Variants in ADCY2 observed in about 807,000 individuals in gnomAD.
ADCY2 encodes the protein adenylate cyclase type 2.
ADCY2 carries 31 observed loss-of-function variants against 125.2 expected under a neutral mutation model. That is an observed-to-expected ratio of 0.25 (90% confidence interval 0.19 to 0.33). The LOEUF (loss-of-function observed/expected upper bound fraction) is 0.33. Ranked by LOEUF, ADCY2 falls within the 10% of genes least tolerant of loss-of-function variation. The pLI, the probability that ADCY2 is intolerant of heterozygous loss-of-function variation, is 1.00. For missense variants in ADCY2, 904 were observed against 1,418.2 expected, an observed-to-expected ratio of 0.64 and a Z score of 5.82; for synonymous variants, 512 against 548.4, an observed-to-expected ratio of 0.93 and a Z score of 0.93.
At chr5:7,755,813 T>G (rs1579395711) in intron 15 of ADCY2, among the ~76,000 whole-genome samples, 2 of 152,308 alleles carry the variant, frequency 1.3e-5, no homozygotes. Context: ...ACAGCAATGC[T>G]TAGGGCAACA....
intron 2 of ADCY2, among the ~76,000 whole-genome samples, chr5:7,489,057 G>T (rs1743055375): frequency 6.6e-6 from 1 of 152,136 alleles, no homozygotes; most frequent in African/African-American, 2.4e-5. Context: ...AGAAAAATAT[G>T]CAAAACACAG....
chr5:7,765,113 C>G (rs904196538), intron 16 of ADCY2, among the ~76,000 whole-genome samples: 2 of 152,142 alleles, frequency 1.3e-5, no homozygotes, highest in African/African-American at 2.4e-5. Flanking sequence ...AAGTAAACTA[C>G]TCATTCATTG....
Position 7,690,688 on chromosome 5 carries a change from C to T in ADCY2, c.721-3C>T, listed in dbSNP as rs1281419198. ...TTTGTTCCTCCTTCCCCACCTTGTCCAGGAGCGGCTTCTGCTCTCCCTGCT... is the reference window on the plus strand; with the variant it reads ...TTTGTTCCTCCTTCCCCACCTTGTCTAGGAGCGGCTTCTGCTCTCCCTGCT... On this transcript the variant is annotated splice_region_variant and splice_polypyrimidine_tract_variant and intron_variant, in intron 4 of 24. Coordinates refer to ENST00000338316, the MANE Select transcript of ADCY2 (RefSeq NM_020546.3). 20 of 1,572,598 alleles carry T rather than the reference C, an allele frequency of 1.3e-5. No homozygotes were observed. Among genetic ancestry groups the T allele is most frequent in the Non-Finnish European group, 1.6e-5 (19 of 1,162,230 alleles).
intron 20 of ADCY2, chr5:7,796,474 T>C (rs1434277366): frequency 2.0e-5 from 3 of 152,222 alleles, no homozygotes; most frequent in African/African-American, 7.2e-5. Flanking sequence ...AGGAAATTAA[T>C]TTCCCTTCAG....
chr5:7,796,021 G>C (rs935940513), intron 20 of ADCY2: 2 of 152,080 alleles, frequency 1.3e-5, no homozygotes, highest in Non-Finnish European at 2.9e-5. Context: ...TGCAATATCT[G>C]TGCACTGCAA....
At chr5:7,700,394 C>A (rs1375469228) in intron 7 of ADCY2, among the ~76,000 whole-genome samples, 1 of 152,058 alleles carries the variant, frequency 6.6e-6, no homozygotes, top group African/African-American at 2.4e-5. Context: ...CCAGAATATT[C>A]TTATAAATAA....
intron 2 of ADCY2, among the ~76,000 whole-genome samples, chr5:7,492,588 A>G (rs1407479911): frequency 6.6e-6 from 1 of 152,190 alleles, no homozygotes; most frequent in East Asian, 1.9e-4. Context: ...CAGATCTTAT[A>G]GATCAGTTAG....
intron 3 of ADCY2, among the ~76,000 whole-genome samples, chr5:7,586,937 G>A (rs200716426): frequency 1.3e-5 from 2 of 152,080 alleles, no homozygotes; most frequent in East Asian, 3.9e-4. Context: ...TTATCTATCT[G>A]TAGAGATAGT....
chr5:7,638,846 C>A (rs2126671449), intron 4 of ADCY2, among the ~76,000 whole-genome samples: 1 of 152,330 alleles, frequency 6.6e-6, no homozygotes, highest in Admixed American at 6.5e-5. Context: ...CATCTTGTAG[C>A]TCCCATAATT....
intron 3 of ADCY2, among the ~76,000 whole-genome samples, chr5:7,546,124 G>A (rs1354568761): frequency 6.6e-6 from 1 of 152,152 alleles, no homozygotes; most frequent in African/African-American, 2.4e-5. Flanking sequence ...GACACAAAAT[G>A]TTTTCGGAAA....
intron 2 of ADCY2, among the ~76,000 whole-genome samples, chr5:7,497,706 G>A (rs377366508): frequency 1.3e-5 from 2 of 152,016 alleles, no homozygotes; most frequent in East Asian, 1.9e-4. Context: ...TGGAAACCAT[G>A]CCCAGGTGGA....
intron 22 of ADCY2, among the ~76,000 whole-genome samples, chr5:7,815,395 C>T (rs913934370): frequency 6.6e-6 from 1 of 152,216 alleles, no homozygotes; most frequent in African/African-American, 2.4e-5. Flanking sequence ...GGCCTGGGAC[C>T]GCATGTCATT....
At chr5:7,615,679 A>G (rs1055481991) in intron 3 of ADCY2, among the ~76,000 whole-genome samples, 1 of 152,216 alleles carries the variant, frequency 6.6e-6, no homozygotes, top group African/African-American at 2.4e-5. Context: ...CCAGGATATT[A>G]TAAAATTTCA....
intron 21 of ADCY2, 56 bp from the exon 22 acceptor site, chr5:7,804,529 C>T: frequency 1.5e-6 from 2 of 1,364,860 alleles, no homozygotes; most frequent in Non-Finnish European, 2.1e-6. Context: ...CTATAAAATG[C>T]TCAGCTTCAG....
chr5:7,593,977 G>A (rs567686325), intron 3 of ADCY2, among the ~76,000 whole-genome samples: 16 of 152,322 alleles, frequency 1.1e-4, no homozygotes, highest in African/African-American at 3.8e-4. Context: ...GAAAACCAGT[G>A]TACAGTACAA....
At chr5:7,433,195 C>T (rs1209007234) in intron 2 of ADCY2, among the ~76,000 whole-genome samples, 2 of 152,164 alleles carry the variant, frequency 1.3e-5, no homozygotes, top group African/African-American at 2.4e-5. Context: ...TTGGCCTTCC[C>T]TCTTTTTTGC....
intron 5 of ADCY2, chr5:7,692,168 G>A (rs933075405): frequency 2.0e-5 from 3 of 152,202 alleles, no homozygotes; most frequent in African/African-American, 7.2e-5. Flanking sequence ...GTTATGTTTT[G>A]ATGGTCTTCG....
At chr5:7,773,294 CA>C (rs1274927135) in intron 18 of ADCY2, among the ~76,000 whole-genome samples, 193 bp downstream of exon 18, 1 of 152,132 alleles carries the variant, frequency 6.6e-6, no homozygotes, top group African/African-American at 2.4e-5. Flanking sequence ...TATGTATTCC[CA>C]AACACACATA....
chr5:7,752,570 TG>T (rs1348578591), intron 15 of ADCY2, among the ~76,000 whole-genome samples: 2 of 152,124 alleles, frequency 1.3e-5, no homozygotes, highest in Non-Finnish European at 2.9e-5. Flanking sequence ...CTAATGAAAC[TG>T]TAAATGAAGT....
Sources: gnomAD v4.1 joint callset for allele counts (sites outside exome capture counted in the v4.1 genomes callset) on GRCh38, gnomAD v4.1.1 for gene constraint, MANE v1.5 for transcripts, NCBI Gene and HGNC (gene_info 2026-07-23, HGNC 2026-07-21) for gene names.